CLCN3: variants seen among roughly 807,000 people sequenced by gnomAD.
CLCN3 encodes the protein H(+)/Cl(-) exchange transporter 3.
Under a neutral mutation model 83.4 loss-of-function variants are expected in CLCN3, and 16 were observed. That is an observed-to-expected ratio of 0.19 (90% CI 0.13 to 0.29). The LOEUF (loss-of-function observed/expected upper bound fraction) is 0.29. Among genes scored for constraint, CLCN3 ranks in the 10% least tolerant of loss-of-function variants. The probability of loss-of-function intolerance (pLI) is 1.00; values close to 1 mark genes in which losing one functional copy is unlikely to be tolerated. For missense variants in CLCN3, 544 were observed against 1,006.0 expected (o/e 0.54, Z 6.21); for synonymous variants, 322 against 346.2 (o/e 0.93, Z 0.78).
rs1350121661 is a variant in CLCN3, at chr4:169,680,046, G to A, written c.161-4G>A. ...ATACTCATCTTTCCTTTTCTCTTCT[G>A]TAGGAACTCATTATACAATGACAAA... On this transcript the variant is annotated splice_polypyrimidine_tract_variant and splice_region_variant and intron_variant, in intron 2 of 12. Coordinates refer to ENST00000513761, the MANE Select transcript of CLCN3 (RefSeq NM_001829.4). 1.2e-6 allele frequency: 2 copies of A among 1,608,938 alleles called. No individual in the cohort carries two copies. Among genetic ancestry groups the A allele is most frequent in the Non-Finnish European group, 1.7e-6 (2 of 1,175,820 alleles).
At chr4:169,660,368 T>C (rs1025279949) in intron 2 of CLCN3, 20 of 1,404,108 alleles carry the variant, frequency 1.4e-5, no homozygotes, top group East Asian at 5.6e-5. Flanking sequence ...AAAATTCTAA[T>C]CATGGATGCT....
chr4:169,719,593 T>A (rs1417193615), intron 12 of CLCN3, among the ~76,000 whole-genome samples: 1 of 152,152 alleles, frequency 6.6e-6, no homozygotes, highest in Non-Finnish European at 1.5e-5. Flanking sequence ...TTCCTAGTCA[T>A]ACATCCATCC....
At chr4:169,629,222 T>G (rs1773307374) in intron 1 of CLCN3, among the ~76,000 whole-genome samples, 1 of 152,244 alleles carries the variant, frequency 6.6e-6, no homozygotes, top group Non-Finnish European at 1.5e-5. Context: ...TGTGATATTG[T>G]ACTATAGTTT....
At chr4:169,694,901 T>C (rs907053470) in intron 7 of CLCN3, among the ~76,000 whole-genome samples, 1 of 152,064 alleles carries the variant, frequency 6.6e-6, no homozygotes, top group African/African-American at 2.4e-5. Flanking sequence ...CTAGTGAAAT[T>C]ATAGGTATAG....
chr4:169,702,807 G>A (rs1732846637), intron 9 of CLCN3: 2 of 305,446 alleles, frequency 6.5e-6, no homozygotes, highest in South Asian at 2.9e-5. Context: ...AGAAAGCCAG[G>A]TGTGGTGGTG....
At chr4:169,693,756 T>C (rs909769393) in intron 7 of CLCN3, among the ~76,000 whole-genome samples, 2 of 152,218 alleles carry the variant, frequency 1.3e-5, no homozygotes, top group Non-Finnish European at 2.9e-5. Flanking sequence ...TTTTACTTAT[T>C]CTAAGTTCAA....
chr4:169,647,750 A>G (rs1730617055), intron 2 of CLCN3, among the ~76,000 whole-genome samples: 1 of 152,220 alleles, frequency 6.6e-6, no homozygotes, highest in Non-Finnish European at 1.5e-5. Context: ...CCCATCAAAT[A>G]ATTTATGTAC....
At chr4:169,716,483 C>G (rs995822931) in intron 12 of CLCN3, among the ~76,000 whole-genome samples, 1 of 151,748 alleles carries the variant, frequency 6.6e-6, no homozygotes, top group African/African-American at 2.4e-5. Flanking sequence ...CATTTCCTGA[C>G]TACAACAATA....
chr4:169,680,895 C>A (rs1731911653), intron 3 of CLCN3, among the ~76,000 whole-genome samples: 1 of 152,170 alleles, frequency 6.6e-6, no homozygotes, highest in Non-Finnish European at 1.5e-5. Flanking sequence ...TCTGCCCATG[C>A]TGGAGTATAG....
chr4:169,632,836 A>T (rs774285414), intron 1 of CLCN3, among the ~76,000 whole-genome samples: 1 of 151,582 alleles, frequency 6.6e-6, no homozygotes, highest in South Asian at 2.1e-4. Flanking sequence ...TGATTAAGAG[A>T]TGTTAACATG....
At chr4:169,690,464 G>T in intron 5 of CLCN3, 66 bp from the exon 6 acceptor site, 1 of 1,522,552 alleles carries the variant, frequency 6.6e-7, no homozygotes, top group African/African-American at 1.4e-5. Context: ...AGTTTCTTAT[G>T]ACAAGCATTT....
At position 169,620,627 on chromosome 4, in the gene CLCN3, C is replaced by G. The variant is rs1352756253; in HGVS notation, c.-453C>G. On this transcript the variant is annotated 5_prime_UTR_variant, in exon 1 of 13. Transcript: ENST00000513761. Reference sequence around the variant, plus strand: ...CCGGTCCGGTCCGGAACCTGCAGCCCCTTTCCCAGTGTTCTAGTTCGCCCG... The same window carrying G: ...CCGGTCCGGTCCGGAACCTGCAGCCGCTTTCCCAGTGTTCTAGTTCGCCCG... 2.5e-6 allele frequency: 1 copy of G among 397,528 alleles called. No homozygotes were observed. The highest frequency in any genetic ancestry group is 2.1e-5 in the African/African-American group (1 of 48,626). The allele number at this position is 397,528 out of a possible 1,614,324, so 24.6% of individuals were successfully genotyped here. A position where few individuals can be genotyped will look rare whatever the true frequency, so the allele number is the denominator to read the frequency against.
intron 2 of CLCN3, among the ~76,000 whole-genome samples, chr4:169,640,543 A>C (rs1730383933): frequency 6.6e-6 from 1 of 152,252 alleles, no homozygotes. Flanking sequence ...GCTAGCAAAA[A>C]GCTGAAAAAG....
chr4:169,680,311 T>C, intron 3 of CLCN3, 104 bp downstream of exon 3: 4 of 778,724 alleles, frequency 5.1e-6, no homozygotes, highest in Non-Finnish European at 6.2e-6. Flanking sequence ...TTACATTTAA[T>C]ATAAGTAAAT....
intron 2 of CLCN3, among the ~76,000 whole-genome samples, chr4:169,675,212 A>G (rs1731630062): frequency 1.3e-5 from 2 of 152,234 alleles, no homozygotes; most frequent in East Asian, 1.9e-4. Flanking sequence ...TATTTGGCTT[A>G]TATCTCAGGA....
chr4:169,651,226 C>G (rs535950542), intron 2 of CLCN3, among the ~76,000 whole-genome samples: 1 of 152,112 alleles, frequency 6.6e-6, no homozygotes, highest in East Asian at 1.9e-4. Context: ...ATGATTACCT[C>G]TTCACTCTAC....
intron 2 of CLCN3, among the ~76,000 whole-genome samples, chr4:169,661,439 G>C (rs1212286651): frequency 1.3e-5 from 2 of 151,904 alleles, no homozygotes; most frequent in Non-Finnish European, 2.9e-5. Context: ...TATACTTTGT[G>C]TTCTGATAAC....
chr4:169,637,459 C>G (rs1730248472), intron 2 of CLCN3, among the ~76,000 whole-genome samples: 1 of 151,946 alleles, frequency 6.6e-6, no homozygotes, highest in Non-Finnish European at 1.5e-5. Flanking sequence ...TTGAGACCAA[C>G]CTGGGCAACA....
chr4:169,639,277 T>C (rs919292483), intron 2 of CLCN3, among the ~76,000 whole-genome samples: 2 of 152,194 alleles, frequency 1.3e-5, no homozygotes, highest in African/African-American at 4.8e-5. Context: ...AACGATCCTC[T>C]TGCCTTGGCC....
Sources: gnomAD v4.1 joint callset for allele counts (sites outside exome capture counted in the v4.1 genomes callset) on GRCh38, gnomAD v4.1.1 for gene constraint, MANE v1.5 for transcripts, NCBI Gene and HGNC (gene_info 2026-07-23, HGNC 2026-07-21) for gene names.